The following UBE2E2 variants were observed in gnomAD, a reference collection of about 807,000 sequenced individuals.
UBE2E2 encodes ubiquitin conjugating enzyme E2 E2.
UBE2E2 carries 6 observed loss-of-function variants against 24.7 expected under a neutral mutation model. That is an observed-to-expected ratio of 0.24 (90% confidence interval 0.13 to 0.48). The LOEUF is 0.48. Ranked by LOEUF, UBE2E2 falls within the 20% of genes least tolerant of loss-of-function variation. UBE2E2 has a pLI of 0.99. For missense variants in UBE2E2, 169 were observed against 245.0 expected (o/e 0.69, Z 2.07); for synonymous variants, 104 against 83.6 (o/e 1.24, Z -1.33).
At chr3:23,381,055 T>G (rs1696657310) in intron 3 of UBE2E2, among the ~76,000 whole-genome samples, 1 of 152,220 alleles carries the variant, frequency 6.6e-6, no homozygotes, top group African/African-American at 2.4e-5. Flanking sequence ...TCTTCATGCC[T>G]CCTGTTCTCC....
chr3:23,322,941 G>A (rs1007634941), intron 3 of UBE2E2, among the ~76,000 whole-genome samples: 9 of 151,652 alleles, frequency 5.9e-5, no homozygotes, highest in African/African-American at 9.7e-5. Flanking sequence ...TATTAGACAG[G>A]CATTTTCTTG....
At chr3:23,352,135 T>G (rs969722750) in intron 3 of UBE2E2, among the ~76,000 whole-genome samples, 126 of 152,110 alleles carry the variant, frequency 8.3e-4, no homozygotes, top group Non-Finnish European at 1.4e-3. Flanking sequence ...GAATGACTAC[T>G]GGGTACATAA....
intron 3 of UBE2E2, among the ~76,000 whole-genome samples, chr3:23,283,123 G>T (rs772819970): frequency 2.0e-5 from 3 of 152,150 alleles, no homozygotes; most frequent in Admixed American, 1.3e-4. Flanking sequence ...CTAAGGAGAA[G>T]TTGATAAATG....
chr3:23,532,822 A>G (rs1397856778), intron 5 of UBE2E2, 121 bp downstream of exon 5: 2 of 928,296 alleles, frequency 2.2e-6, no homozygotes, highest in African/African-American at 3.4e-5. Flanking sequence ...TATTATTGTT[A>G]AATTTTCATA....
At chr3:23,299,086 A>G (rs140698387) in intron 3 of UBE2E2, among the ~76,000 whole-genome samples, 11,321 of 152,224 alleles carry the variant, frequency 0.074, 549 homozygotes, top group Non-Finnish European at 0.092. Flanking sequence ...AGAGGTGTTT[A>G]TAGTATTCTC....
At chr3:23,298,847 A>G (rs1000983468) in intron 3 of UBE2E2, among the ~76,000 whole-genome samples, 1 of 152,134 alleles carries the variant, frequency 6.6e-6, no homozygotes, top group Admixed American at 6.6e-5. Context: ...TGATTGGAAT[A>G]GTTTCAGAAG....
At chr3:23,574,392 A>G (rs937754489) in intron 5 of UBE2E2, among the ~76,000 whole-genome samples, 7 of 152,216 alleles carry the variant, frequency 4.6e-5, no homozygotes, top group African/African-American at 1.4e-4. Context: ...TGGATTGTCC[A>G]TAACACAAAG....
chr3:23,287,028 T>G (rs1239033494), intron 3 of UBE2E2, among the ~76,000 whole-genome samples: 2 of 152,194 alleles, frequency 1.3e-5, no homozygotes, highest in Non-Finnish European at 2.9e-5. Context: ...GGAAAGTCTT[T>G]CAGTTTTTCC....
At chr3:23,306,353 A>T (rs547532909) in intron 3 of UBE2E2, among the ~76,000 whole-genome samples, 1 of 152,366 alleles carries the variant, frequency 6.6e-6, no homozygotes, top group Non-Finnish European at 1.5e-5. Context: ...ACAATTATTT[A>T]TTTAAACTCT....
At chr3:23,458,991 T>G (rs377120417) in intron 3 of UBE2E2, among the ~76,000 whole-genome samples, 2 of 152,232 alleles carry the variant, frequency 1.3e-5, no homozygotes, top group Admixed American at 1.3e-4. Flanking sequence ...CTATATCATG[T>G]GTGCATTCTG....
At chr3:23,294,741 G>A (rs138137078) in intron 3 of UBE2E2, among the ~76,000 whole-genome samples, 1 of 146,728 alleles carries the variant, frequency 6.8e-6, no homozygotes, top group African/African-American at 2.5e-5. Flanking sequence ...TAAAGATTTT[G>A]TATCTTTAGA....
intron 3 of UBE2E2, among the ~76,000 whole-genome samples, chr3:23,451,864 A>T (rs1231121075): frequency 6.6e-6 from 1 of 152,214 alleles, no homozygotes; most frequent in South Asian, 2.1e-4. Context: ...ATAGAGCAGT[A>T]CCTAAAGGGT....
chr3:23,564,307 CTAGT>C (rs1194283503), intron 5 of UBE2E2, among the ~76,000 whole-genome samples: 2 of 151,984 alleles, frequency 1.3e-5, no homozygotes, highest in African/African-American at 4.8e-5. Context: ...ACAAATGTAG[CTAGT>C]TATAGAAAAA....
chr3:23,532,594 G>C lies in UBE2E2; in HGVS notation c.401G>C (p.Ser134Thr), dbSNP rs764407261. 1 of 1,562,022 alleles carries C rather than the reference G, an allele frequency of 6.4e-7. No individual in the cohort carries two copies. Among genetic ancestry groups the C allele is most frequent in the South Asian group, 1.2e-5 (1 of 82,620 alleles). Residue 134 changes from serine (S) to threonine (T), a missense_variant, in exon 5 of 6, where the codon AGC becomes ACC. Coordinates refer to ENST00000396703, the MANE Select transcript of UBE2E2 (RefSeq NM_152653.4). ...AGAATCTATCACTGTAATATTAACA[G>C]CCAAGGTGTGATCTGTCTGGACATC... is the stretch of plus-strand genomic sequence containing the variant. ...RTRIYHCNIN[S>T]QGVICLDILK...
intron 5 of UBE2E2, among the ~76,000 whole-genome samples, chr3:23,542,889 C>G (rs775956973): frequency 4.6e-5 from 7 of 152,148 alleles, no homozygotes; most frequent in Non-Finnish European, 8.8e-5. Context: ...CCTGCTTTTG[C>G]TTAGCATTTC....
intron 3 of UBE2E2, among the ~76,000 whole-genome samples, chr3:23,444,293 T>C (rs1698377307): frequency 6.6e-6 from 1 of 152,162 alleles, no homozygotes; most frequent in South Asian, 2.1e-4. Context: ...CTGCAGTCTT[T>C]GCTTCTTGTG....
chr3:23,384,699 C>T (rs537298450), intron 3 of UBE2E2, among the ~76,000 whole-genome samples: 3 of 151,978 alleles, frequency 2.0e-5, no homozygotes, highest in Non-Finnish European at 4.4e-5. Flanking sequence ...CATGCCAGCA[C>T]GCCTGGCTAA....
chr3:23,584,503 A>G (rs1696563849), intron 5 of UBE2E2, among the ~76,000 whole-genome samples: 1 of 151,870 alleles, frequency 6.6e-6, no homozygotes, highest in Admixed American at 6.6e-5. Context: ...TCAAAGGTGC[A>G]CATACCACAG....
At chr3:23,274,984 G>A (rs1327531422) in intron 3 of UBE2E2, among the ~76,000 whole-genome samples, 1 of 152,174 alleles carries the variant, frequency 6.6e-6, no homozygotes, top group Non-Finnish European at 1.5e-5. Context: ...ACTGTTCAAT[G>A]TAATCCTCAA....
Sources: gnomAD v4.1 joint callset for allele counts (sites outside exome capture counted in the v4.1 genomes callset) on GRCh38, gnomAD v4.1.1 for gene constraint, MANE v1.5 for transcripts, NCBI Gene and HGNC (gene_info 2026-07-23, HGNC 2026-07-21) for gene names.